Variants in SULF2 observed in about 807,000 individuals in gnomAD.
The protein encoded by SULF2 is sulfatase 2, also known as extracellular sulfatase Sulf-2.
A neutral mutation model predicts 107.7 loss-of-function variants in SULF2; 52 were observed. The observed-to-expected ratio is 0.48, with a 90% CI of 0.39 to 0.61. The LOEUF is 0.61. Among genes scored for constraint, SULF2 ranks in the 20% least tolerant of loss-of-function variants. The probability of loss-of-function intolerance (pLI) is 0.00; values close to 1 mark genes in which losing one functional copy is unlikely to be tolerated. For synonymous variants in SULF2, 460 were observed against 464.3 expected, an observed-to-expected ratio of 0.99 and a Z score of 0.12; for missense variants, 993 against 1,177.3, an observed-to-expected ratio of 0.84 and a Z score of 2.29.
chr20:47,786,545 C>G (rs769326642), upstream of SULF2: 2 of 152,164 alleles, frequency 1.3e-5, no homozygotes, highest in Non-Finnish European at 2.9e-5. Context: ...GCTGCCTGTG[C>G]GCGCCCGAGA....
chr20:47,757,417 C>T lies in SULF2; in HGVS notation c.-54G>A, dbSNP rs1568911444. The T allele has an allele frequency of 2.2e-5, 33 of 1,504,232 alleles. No individual in the cohort carries two copies. Among genetic ancestry groups the T allele is most frequent in the Middle Eastern group, 1.7e-4 (1 of 5,738 alleles). The allele number at this position is 1,504,232 out of a possible 1,614,324, so 93.2% of individuals were successfully genotyped here. A position where few individuals can be genotyped will look rare whatever the true frequency, so the allele number is the denominator to read the frequency against. Reference sequence around the variant, plus strand: ...TTTGGGATGCGGGAGTCTCAAGTTGCGTCTGTGGCTTTGTTTCTTTTCCCT... The same window carrying T: ...TTTGGGATGCGGGAGTCTCAAGTTGTGTCTGTGGCTTTGTTTCTTTTCCCT... On this transcript the variant is annotated 5_prime_UTR_variant, in exon 2 of 21. Coordinates refer to ENST00000688720, the MANE Select transcript of SULF2 (RefSeq NM_001387048.1).
chr20:47,749,452 CAT>C (rs371908218), intron 2 of SULF2, among the ~76,000 whole-genome samples: 1 of 152,226 alleles, frequency 6.6e-6, no homozygotes, highest in African/African-American at 2.4e-5. Flanking sequence ...CCTGCATCCA[CAT>C]GTTTTTTCTC....
chr20:47,711,082 G>A (rs1259152351), intron 3 of SULF2, among the ~76,000 whole-genome samples: 58 of 152,208 alleles, frequency 3.8e-4, no homozygotes, highest in Non-Finnish European at 8.8e-5. Context: ...AGCAAGCCAC[G>A]GACAATGGGG....
chr20:47,690,068 C>A (rs1396138255), intron 5 of SULF2, 58 bp downstream of exon 5: 3 of 1,342,700 alleles, frequency 2.2e-6, no homozygotes, highest in Non-Finnish European at 9.7e-7. Flanking sequence ...TTGCTAAAGC[C>A]TGACCCTCCC....
chr20:47,717,813 A>ATTAT (rs1555843790), intron 3 of SULF2, among the ~76,000 whole-genome samples: 6 of 135,464 alleles, frequency 4.4e-5, no homozygotes, highest in African/African-American at 1.7e-4. Context: ...TTCAGAGATA[A>ATTAT]TTTTTTTTTT....
intron 19 of SULF2, 22 bp downstream of exon 19, chr20:47,659,675 C>T (rs747338268): frequency 1.9e-6 from 3 of 1,603,438 alleles, no homozygotes; most frequent in Non-Finnish European, 2.6e-6. Context: ...TTTGTTTAGG[C>T]TTTAATAATA....
intron 1 of SULF2, among the ~76,000 whole-genome samples, chr20:47,768,731 G>A (rs62200258): frequency 0.15 from 23,422 of 152,180 alleles, 2,949 homozygotes; most frequent in African/African-American, 0.35. Flanking sequence ...CACCCTGGCT[G>A]TGACTTGGGC....
chr20:47,686,947 C>A (rs1346553724), intron 5 of SULF2, among the ~76,000 whole-genome samples: 1 of 152,190 alleles, frequency 6.6e-6, no homozygotes, highest in South Asian at 2.1e-4. Flanking sequence ...TTCCCAGGAA[C>A]AAGCTCAGCT....
rs1330857465 is a variant in SULF2, at chr20:47,678,771, G to A, written c.1098C>T (p.Ala366=). 8 of 1,613,874 alleles carry A rather than the reference G, an allele frequency of 5.0e-6. No homozygotes were observed. Among genetic ancestry groups the A allele is most frequent in the Middle Eastern group, 1.6e-4 (1 of 6,082 alleles). Reference sequence around the variant, plus strand: ...GGCCTGCAATGTCCAGGATGGTGGGGGCCAGGTCAATGTTGAGGACGATGT... The same window carrying A: ...GGCCTGCAATGTCCAGGATGGTGGGAGCCAGGTCAATGTTGAGGACGATGT... ...NPHIVLNIDL[A]PTILDIAGLD... is the part of the protein sequence containing the mutation. Residue 366 remains alanine, a synonymous_variant, in exon 8 of 21, where the codon GCC becomes GCT. Coordinates refer to ENST00000688720, the MANE Select transcript of SULF2 (RefSeq NM_001387048.1). The surrounding 1 kb of genome is among the most constrained non-coding windows in gnomAD (Gnocchi z 4.5).
intron 3 of SULF2, among the ~76,000 whole-genome samples, chr20:47,707,652 CCT>C (rs1428642699): frequency 2.0e-5 from 3 of 152,184 alleles, no homozygotes; most frequent in Non-Finnish European, 2.9e-5. Flanking sequence ...CAATTCCTCC[CCT>C]GTGTGCCATT....
At chr20:47,731,187 C>CTTTTTTTTTTTTTTTTTTTTTTT (rs71183273) in intron 3 of SULF2, among the ~76,000 whole-genome samples, 4 of 81,180 alleles carry the variant, frequency 4.9e-5, no homozygotes, top group Admixed American at 3.0e-4. Flanking sequence ...TGTATCTTCT[C>CTTTTTTTTTTTTTTTTTTTTTTT]TTTTTTTTTT....
At chr20:47,752,401 C>T (rs1395999766) in intron 2 of SULF2, among the ~76,000 whole-genome samples, 2 of 152,064 alleles carry the variant, frequency 1.3e-5, no homozygotes, top group African/African-American at 4.8e-5. Flanking sequence ...ACAGCTCTTA[C>T]CCTTGCAACT....
chr20:47,715,548 C>A (rs1423625913), intron 3 of SULF2, among the ~76,000 whole-genome samples: 1 of 151,280 alleles, frequency 6.6e-6, no homozygotes, highest in African/African-American at 2.4e-5. Context: ...TAATGGGAGG[C>A]CTGTGGGAGA....
chr20:47,751,739 C>G (rs1316832152), intron 2 of SULF2, among the ~76,000 whole-genome samples: 2 of 152,190 alleles, frequency 1.3e-5, no homozygotes, highest in African/African-American at 4.8e-5. Context: ...CTCAATCCTG[C>G]TCGAGTTGGG....
chr20:47,678,939 C>A lies in SULF2; in HGVS notation c.1065-135G>T. On this transcript the variant is annotated intron_variant, in intron 7 of 20. Coordinates refer to ENST00000688720, the MANE Select transcript of SULF2 (RefSeq NM_001387048.1). The surrounding 1 kb of genome is among the most constrained non-coding windows in gnomAD (Gnocchi z 4.5). The stretch of plus-strand genomic sequence containing the variant: ...TGCAGGTATGGAAGCTGCAGTCTGG[C>A]ACCTCAACCTCAGCAGCTCCCCTCT... 2 of 732,616 alleles carry A rather than the reference C, an allele frequency of 2.7e-6. No homozygotes were observed. The highest frequency in any genetic ancestry group is 4.7e-6 in the Non-Finnish European group (2 of 427,076). The allele number at this position is 732,616 out of a possible 1,614,324, so 45.4% of individuals were successfully genotyped here. A position where few individuals can be genotyped will look rare whatever the true frequency, so the allele number is the denominator to read the frequency against.
At chr20:47,738,450 T>C (rs1600615932) in intron 2 of SULF2, among the ~76,000 whole-genome samples, 1 of 152,336 alleles carries the variant, frequency 6.6e-6, no homozygotes, top group East Asian at 1.9e-4. Context: ...TGTCCTAATT[T>C]CTGGAAGCTG....
Position 47,672,310 on chromosome 20 carries a change from G to C in SULF2, c.1464C>G (p.Ala488=). The stretch of plus-strand genomic sequence containing the variant: ...AGTACTTGGGCACGAGGTTGGAGAG[G>C]GCTCTGCTGCCGCCCAGCCGCATGG... ...KGPMRLGGSR[A]LSNLVPKYYG... is the part of the protein sequence containing the mutation. The change falls in exon 11 of 21, where the codon GCC becomes GCG. Residue 488 remains alanine, a synonymous_variant. Transcript: ENST00000688720. 1 of 1,613,398 alleles carries C rather than the reference G, an allele frequency of 6.2e-7. No homozygotes were observed. Among genetic ancestry groups the C allele is most frequent in the Non-Finnish European group, 8.5e-7 (1 of 1,179,986 alleles).
chr20:47,677,205 C>T, intron 8 of SULF2, 71 bp from the exon 9 acceptor site: 1 of 1,551,306 alleles, frequency 6.4e-7, no homozygotes, highest in Non-Finnish European at 8.9e-7. Flanking sequence ...CCCCCAGGAG[C>T]AGGGACGGCA....
chr20:47,684,594 G>C lies in SULF2; in HGVS notation c.738-13C>G. On this transcript the variant is annotated splice_polypyrimidine_tract_variant and intron_variant, in intron 5 of 20. Coordinates refer to ENST00000688720, the MANE Select transcript of SULF2 (RefSeq NM_001387048.1). ...GTAGCTCGGCGTGCTGGTGGGCAAG[G>C]ACATACACATCGGTCAAACCCAGGG... 1 of 1,612,186 alleles carries C rather than the reference G, an allele frequency of 6.2e-7. No homozygotes were observed. Among genetic ancestry groups the C allele is most frequent in the Non-Finnish European group, 8.5e-7 (1 of 1,178,928 alleles).
Sources: gnomAD v4.1 joint callset for allele counts (sites outside exome capture counted in the v4.1 genomes callset) on GRCh38, gnomAD v4.1.1 for gene constraint, Gnocchi (gnomAD v3.1) non-coding constraint, MANE v1.5 for transcripts, NCBI Gene and HGNC (gene_info 2026-07-23, HGNC 2026-07-21) for gene names.